The following FANK1 variants were observed in gnomAD, a reference collection of about 807,000 sequenced individuals.
FANK1 encodes fibronectin type III and ankyrin repeat domains 1, also known as fibronectin type 3 and ankyrin repeat domains protein 1.
Under a neutral mutation model 45.3 loss-of-function variants are expected in FANK1, and 44 were observed. The observed-to-expected ratio is 0.97, with a 90% CI of 0.76 to 1.25. FANK1 has a LOEUF of 1.25. FANK1 is among the 50% of genes most tolerant of loss of function. The probability of loss-of-function intolerance (pLI) is 0.00; values close to 1 mark genes in which losing one functional copy is unlikely to be tolerated. For missense variants in FANK1, 391 were observed against 424.4 expected (o/e 0.92, Z 0.69); for synonymous variants, 149 against 152.5 (o/e 0.98, Z 0.17).
chr10:125,968,905 G>A (rs1455476166), intron 1 of FANK1, among the ~76,000 whole-genome samples: 1 of 152,146 alleles, frequency 6.6e-6, no homozygotes, highest in Middle Eastern at 3.2e-3. Flanking sequence ...GGACTGAGTG[G>A]CGACAGTGTA....
intron 1 of FANK1, among the ~76,000 whole-genome samples, chr10:125,966,985 A>G (rs1950230519): frequency 6.6e-6 from 1 of 152,166 alleles, no homozygotes; most frequent in Non-Finnish European, 1.5e-5. Flanking sequence ...CATTATAATC[A>G]TAGCATCTTT....
chr10:125,985,942 TCTC>T (rs146085679), intron 2 of FANK1, among the ~76,000 whole-genome samples: 2,540 of 152,166 alleles, frequency 0.017, 76 homozygotes, highest in African/African-American at 0.056. Flanking sequence ...AAGTTGAGCT[TCTC>T]CTCCCTGCTT....
intron 2 of FANK1, among the ~76,000 whole-genome samples, chr10:125,981,680 G>T (rs2134203153): frequency 6.6e-6 from 1 of 152,188 alleles, no homozygotes; most frequent in South Asian, 2.1e-4. Flanking sequence ...AATAATTATA[G>T]ATTCATATCC....
intron 7 of FANK1, 122 bp downstream of exon 7, chr10:126,005,171 T>C: frequency 4.3e-6 from 5 of 1,174,190 alleles, no homozygotes; most frequent in Non-Finnish European, 5.9e-6. Flanking sequence ...GAAAGTTTTC[T>C]GACTTAGCAA....
intron 1 of FANK1, among the ~76,000 whole-genome samples, chr10:125,974,207 C>T (rs1252975100): frequency 6.6e-6 from 1 of 152,114 alleles, no homozygotes; most frequent in Admixed American, 6.5e-5. Context: ...CAGGCTGCCT[C>T]CTAGCATATC....
chr10:125,952,131 G>A (rs1181294277), intron 1 of FANK1, among the ~76,000 whole-genome samples: 1 of 151,930 alleles, frequency 6.6e-6, no homozygotes, highest in Non-Finnish European at 1.5e-5. Flanking sequence ...ACTATTTGTT[G>A]TAATATTTGG....
intron 1 of FANK1, among the ~76,000 whole-genome samples, chr10:125,937,089 T>C (rs998898945): frequency 6.6e-6 from 1 of 152,020 alleles, no homozygotes; most frequent in Non-Finnish European, 1.5e-5. Context: ...AATAAAATAA[T>C]ACCTCTATGA....
chr10:125,919,231 A>T lies in FANK1; in HGVS notation c.13+22576A>T, dbSNP rs146818565. ...TTTTTTTTTTTTTTTTTTGTGACAG[A>T]GTCTTGCTCTGTCCCGCAGGCTGGA... is the stretch of plus-strand genomic sequence containing the variant. On this transcript the variant is annotated intron_variant, in intron 1 of 10. Coordinates refer to ENST00000368693, the MANE Select transcript of FANK1 (RefSeq NM_145235.5). Among the ~76,000 whole-genome samples the T allele has an allele frequency of 1.2e-4, 5 of 42,922 alleles. 1 individual carries two copies. In the Admixed American group the frequency reaches 1.8e-3, roughly 15 times the overall value. 28.2% of individuals were successfully genotyped at this position (42,922 alleles called of 152,430 possible).
Position 126,000,685 on chromosome 10 carries a change from A to G in FANK1, c.539+3200A>G, listed in dbSNP as rs574459357. Among the ~76,000 whole-genome samples the G allele has an allele frequency of 8.5e-5, 13 of 152,326 alleles. No homozygotes were observed. The East Asian group carries it at 1.5e-3, about 18-fold the overall frequency. ...GAAAGGAACAAATGCATTGAAAGGA[A>G]TCATTAAGAAAAAGATTGAGTGTAT... On this transcript the variant is annotated intron_variant, in intron 6 of 10. Coordinates refer to ENST00000368693, the MANE Select transcript of FANK1 (RefSeq NM_145235.5).
chr10:125,950,431 A>G (rs2134165448), intron 1 of FANK1, among the ~76,000 whole-genome samples: 1 of 150,796 alleles, frequency 6.6e-6, no homozygotes, highest in South Asian at 2.1e-4. Context: ...AAAAAAACAA[A>G]CAACCCCATC....
At chr10:125,902,863 A>G (rs1193019650) in intron 1 of FANK1, among the ~76,000 whole-genome samples, 1 of 152,306 alleles carries the variant, frequency 6.6e-6, no homozygotes, top group Non-Finnish European at 1.5e-5. Flanking sequence ...TTTTTTTCTC[A>G]TGTAGTCTTA....
At chr10:125,908,765 A>T (rs796975824) in intron 1 of FANK1, among the ~76,000 whole-genome samples, 2 of 152,106 alleles carry the variant, frequency 1.3e-5, no homozygotes, top group Non-Finnish European at 2.9e-5. Context: ...AAATAAATTT[A>T]AAAAAAGTAA....
At chr10:125,955,581 A>G (rs1949526340) in intron 1 of FANK1, among the ~76,000 whole-genome samples, 2 of 152,124 alleles carry the variant, frequency 1.3e-5, no homozygotes, top group South Asian at 4.1e-4. Context: ...CCCAGGCTCA[A>G]GAGATCCTCC....
intron 1 of FANK1, among the ~76,000 whole-genome samples, chr10:125,908,120 C>T (rs1266864670): frequency 3.9e-5 from 6 of 151,934 alleles, no homozygotes; most frequent in Non-Finnish European, 8.8e-5. Context: ...CCTCAGCCTC[C>T]CAGGTAGCTG....
intron 1 of FANK1, among the ~76,000 whole-genome samples, chr10:125,929,147 A>T (rs991088172): frequency 6.6e-6 from 1 of 152,226 alleles, no homozygotes; most frequent in African/African-American, 2.4e-5. Context: ...CAGGTGGTTG[A>T]AGCTTAGCTA....
rs78169487 is a variant in FANK1, at chr10:125,944,108, AT to A, written c.14-36049del. Among the ~76,000 whole-genome samples, 133 of 152,324 alleles carry A rather than the reference AT, an allele frequency of 8.7e-4. 1 individual carries two copies. The East Asian group carries it at 0.025, about 28-fold the overall frequency. ...TTGTGTATACTTTAATTTCAGATGA[AT>A]TTTGACAGTTAAAAGTTGGTTTGCT... On this transcript the variant is annotated intron_variant, in intron 1 of 10. Transcript: ENST00000368693.
chr10:125,914,209 C>T (rs1589825232), intron 1 of FANK1, among the ~76,000 whole-genome samples: 1 of 151,492 alleles, frequency 6.6e-6, no homozygotes, highest in Admixed American at 6.6e-5. Flanking sequence ...CTTCATTCCT[C>T]AATGTCACAT....
At chr10:126,002,763 CTTTTTTT>C (rs375158618) in intron 6 of FANK1, among the ~76,000 whole-genome samples, 2 of 113,210 alleles carry the variant, frequency 1.8e-5, no homozygotes, top group East Asian at 5.2e-4. Flanking sequence ...TTTGCCTCTC[CTTTTTTT>C]TTTTTTTTTT....
chr10:125,973,541 G>C, intron 1 of FANK1: 1 of 824,598 alleles, frequency 1.2e-6, no homozygotes, highest in East Asian at 1.2e-4. Context: ...GTATCCCTCA[G>C]TATCTAGAAC....
Sources: gnomAD v4.1 joint callset for allele counts (sites outside exome capture counted in the v4.1 genomes callset) on GRCh38, gnomAD v4.1.1 for gene constraint, MANE v1.5 for transcripts, NCBI Gene and HGNC (gene_info 2026-07-23, HGNC 2026-07-21) for gene names.